SLC15A5: variants seen among roughly 807,000 people sequenced by gnomAD.
SLC15A5 encodes the protein Peptide/histidine transporter ENSP00000340402.
Under a neutral mutation model 56.1 loss-of-function variants are expected in SLC15A5, and 58 were observed. That is an observed-to-expected ratio of 1.03 (90% CI 0.84 to 1.29). The LOEUF (loss-of-function observed/expected upper bound fraction) is 1.29, where lower values mean the gene tolerates loss of function less well. Ranked by LOEUF, SLC15A5 falls within the 50% of genes most tolerant of loss-of-function variation. SLC15A5 has a pLI of 0.00. For missense variants in SLC15A5, 681 were observed against 672.1 expected (o/e 1.01, Z -0.15); for synonymous variants, 264 against 250.5 (o/e 1.05, Z -0.51).
chr12:16,231,218 C>T (rs1457761489), intron 5 of SLC15A5, among the ~76,000 whole-genome samples: 1 of 152,174 alleles, frequency 6.6e-6, no homozygotes, highest in Non-Finnish European at 1.5e-5. Context: ...AGATTTTTAT[C>T]TACATTCCAA....
chr12:16,257,921 T>A, intron 2 of SLC15A5, 51 bp from the exon 3 acceptor site: 2 of 1,294,696 alleles, frequency 1.5e-6, no homozygotes, highest in Non-Finnish European at 2.0e-6. Context: ...TTGCTTTAGA[T>A]AACTATTGCT....
chr12:16,259,181 G>T (rs532839169), intron 2 of SLC15A5, among the ~76,000 whole-genome samples: 1 of 146,976 alleles, frequency 6.8e-6, no homozygotes, highest in Non-Finnish European at 1.5e-5. Context: ...CCACAAGCAC[G>T]CACTACCATA....
intron 1 of SLC15A5, among the ~76,000 whole-genome samples, chr12:16,274,228 GCTT>G (rs1864792003): frequency 6.6e-6 from 1 of 151,770 alleles, no homozygotes; most frequent in South Asian, 2.1e-4. Flanking sequence ...TATTTTTATT[GCTT>G]CTTAATACCA....
chr12:16,239,725 A>T lies in SLC15A5; in HGVS notation c.1118T>A (p.Leu373Gln), dbSNP rs1380570164. 8 of 1,537,402 alleles carry T rather than the reference A, an allele frequency of 5.2e-6. No homozygotes were observed. The highest frequency in any genetic ancestry group is 7.0e-6 in the Non-Finnish European group (8 of 1,146,930). Reference protein sequence around the residue: ...APFLEYFSTCLFPSKRVGSFL... With the variant: ...APFLEYFSTCQFPSKRVGSFL... ...TGATCCAACTCTCTTAGAGGGAAAC[A>T]GGCAGGTGCTGAAATACTCCAGAAA... The change falls in exon 5 of 9, where the codon CTG becomes CAG. Residue 373 changes from leucine to glutamine, a missense_variant. Transcript: ENST00000344941.
At chr12:16,224,683 C>T in intron 5 of SLC15A5, 81 bp from the exon 6 acceptor site, 3 of 1,288,712 alleles carry the variant, frequency 2.3e-6, no homozygotes, top group East Asian at 2.5e-5. Context: ...ATTTCTTACC[C>T]ATTGACATTA....
intron 1 of SLC15A5, among the ~76,000 whole-genome samples, chr12:16,275,977 C>A (rs975568909): frequency 2.6e-5 from 4 of 151,748 alleles, no homozygotes; most frequent in Non-Finnish European, 5.9e-5. Flanking sequence ...CTTTATTTTT[C>A]CATCCTAACT....
chr12:16,227,296 T>G (rs551416564), intron 5 of SLC15A5, among the ~76,000 whole-genome samples: 1 of 152,182 alleles, frequency 6.6e-6, no homozygotes, highest in African/African-American at 2.4e-5. Flanking sequence ...TATAATCACC[T>G]TTATCAAGAT....
At chr12:16,199,715 C>A (rs1392074157) in intron 7 of SLC15A5, among the ~76,000 whole-genome samples, 3 of 152,098 alleles carry the variant, frequency 2.0e-5, no homozygotes, top group African/African-American at 7.2e-5. Context: ...ATCTTGAAAA[C>A]AAGTACACCT....
intron 4 of SLC15A5, among the ~76,000 whole-genome samples, chr12:16,241,290 G>T (rs141123567): frequency 6.6e-6 from 1 of 152,074 alleles, no homozygotes; most frequent in African/African-American, 2.4e-5. Flanking sequence ...GAGCAGCCTC[G>T]CTCAAATATC....
chr12:16,240,801 A>T (rs1864406668), intron 4 of SLC15A5, among the ~76,000 whole-genome samples: 1 of 151,396 alleles, frequency 6.6e-6, no homozygotes, highest in Non-Finnish European at 1.5e-5. Flanking sequence ...CATCAGCTTC[A>T]TCATGATCTT....
At chr12:16,246,429 C>G (rs1308195217) in intron 3 of SLC15A5, among the ~76,000 whole-genome samples, 2 of 152,174 alleles carry the variant, frequency 1.3e-5, no homozygotes, top group Admixed American at 6.5e-5. Context: ...TGTTGATGAA[C>G]AGTCTGGAGA....
rs1042693709 is a variant in SLC15A5 at position 16,237,489 on chromosome 12, A to AGG, written c.1162+2190_1162+2191dup. 6.6e-6 allele frequency among the ~76,000 whole-genome samples: 1 copy of AGG among 152,140 alleles called. No individual in the cohort carries two copies. Among genetic ancestry groups the AGG allele is most frequent in the Non-Finnish European group, 1.5e-5 (1 of 68,012 alleles). On this transcript the variant is annotated intron_variant, in intron 5 of 8. Transcript: ENST00000344941. This position sits in a 1 kb window ranked among gnomAD's most constrained non-coding sequence, Gnocchi z 4.1. ...CAATAGGTCTTGTTACCAATCTTGA[A>AGG]GGGGAATATTTAATTCATTAACAAC...
At chr12:16,259,957 T>C (rs1864627407) in intron 2 of SLC15A5, among the ~76,000 whole-genome samples, 1 of 150,782 alleles carries the variant, frequency 6.6e-6, no homozygotes, top group Non-Finnish European at 1.5e-5. Context: ...CAAGACAAGT[T>C]CCTCACTTGG....
intron 5 of SLC15A5, among the ~76,000 whole-genome samples, chr12:16,233,626 G>C (rs1249303075): frequency 6.6e-6 from 1 of 152,180 alleles, no homozygotes; most frequent in Non-Finnish European, 1.5e-5. Context: ...TTCTGGCCTA[G>C]AGAGAAATTG....
chr12:16,261,405 T>C (rs774426779), intron 2 of SLC15A5, among the ~76,000 whole-genome samples: 1 of 152,232 alleles, frequency 6.6e-6, no homozygotes, highest in Non-Finnish European at 1.5e-5. Context: ...TGTTAGTATA[T>C]TTATCTGTAC....
At chr12:16,212,725 C>T (rs982942519) in intron 7 of SLC15A5, among the ~76,000 whole-genome samples, 3 of 152,034 alleles carry the variant, frequency 2.0e-5, no homozygotes, top group Non-Finnish European at 4.4e-5. Context: ...TATCAATTAC[C>T]TGGAAGAAGT....
chr12:16,220,045 T>C (rs1055518130), intron 6 of SLC15A5, among the ~76,000 whole-genome samples: 1 of 152,142 alleles, frequency 6.6e-6, no homozygotes, highest in Non-Finnish European at 1.5e-5. Context: ...TTGCTGGAAA[T>C]ATTTTTTACT....
intron 7 of SLC15A5, among the ~76,000 whole-genome samples, chr12:16,204,826 A>G (rs1177918511): frequency 6.6e-6 from 1 of 152,142 alleles, no homozygotes; most frequent in East Asian, 1.9e-4. Context: ...ATTTTCTTTA[A>G]TAAAACCAAA....
At chr12:16,206,135 G>A (rs193051934) in intron 7 of SLC15A5, among the ~76,000 whole-genome samples, 2 of 152,242 alleles carry the variant, frequency 1.3e-5, no homozygotes, top group East Asian at 3.9e-4. Flanking sequence ...ATGTGCTTCT[G>A]TACCACAGGA....
Sources: allele counts gnomAD v4.1 joint callset (sites outside exome capture counted in the v4.1 genomes callset), GRCh38; gene constraint gnomAD v4.1.1; non-coding constraint Gnocchi (gnomAD v3.1); transcripts MANE v1.5; gene names NCBI Gene and HGNC (gene_info 2026-07-23, HGNC 2026-07-21).